The following LTBP1 variants were observed in gnomAD, a reference collection of about 807,000 sequenced individuals.
LTBP1 encodes latent transforming growth factor beta binding protein 1, also known as latent-transforming growth factor beta-binding protein 1.
In LTBP1, 129 loss-of-function variants were observed where a neutral mutation model predicts 207.6. That is an observed-to-expected ratio of 0.62 (90% confidence interval 0.54 to 0.72). The LOEUF is 0.72. LTBP1 is among the 30% of genes least tolerant of loss of function. LTBP1 has a pLI of 0.00. For missense variants in LTBP1, 2,281 were observed against 2,217.2 expected (o/e 1.03, Z -0.58); for synonymous variants, 963 against 833.7 (o/e 1.16, Z -2.67).
chr2:33,088,207 ACTTTGGG>A (rs1344842131), intron 3 of LTBP1, among the ~76,000 whole-genome samples: 1 of 152,204 alleles, frequency 6.6e-6, no homozygotes, highest in African/African-American at 2.4e-5. Flanking sequence ...TAATCCCAGC[ACTTTGGG>A]AGGCCAAGGC....
chr2:33,138,895 G>T (rs1283088686), intron 5 of LTBP1, among the ~76,000 whole-genome samples: 3 of 113,124 alleles, frequency 2.7e-5, no homozygotes, highest in African/African-American at 7.1e-5. Flanking sequence ...GTCTCGCTCT[G>T]TCGCCCAGGC....
At chr2:33,227,673 G>T (rs911167224) in intron 9 of LTBP1, among the ~76,000 whole-genome samples, 4 of 151,902 alleles carry the variant, frequency 2.6e-5, no homozygotes, top group Non-Finnish European at 4.4e-5. Context: ...TTCCTGACAG[G>T]CTGATTTCTC....
chr2:33,142,164 GCCTCAGCCTC>G (rs2082685036), intron 5 of LTBP1, among the ~76,000 whole-genome samples: 1 of 152,082 alleles, frequency 6.6e-6, no homozygotes, highest in Admixed American at 6.6e-5. Context: ...CCATTCTCAT[GCCTCAGCCTC>G]CCGAGCAGCT....
intron 5 of LTBP1, among the ~76,000 whole-genome samples, chr2:33,174,745 G>A (rs1373327112): frequency 6.6e-6 from 1 of 152,124 alleles, no homozygotes; most frequent in Non-Finnish European, 1.5e-5. Flanking sequence ...CACACTACCT[G>A]ACTTCAAACT....
At chr2:33,042,386 A>G (rs2076232758) in intron 3 of LTBP1, among the ~76,000 whole-genome samples, 1 of 152,202 alleles carries the variant, frequency 6.6e-6, no homozygotes, top group African/African-American at 2.4e-5. Context: ...GATGAAGATG[A>G]GGTTTTTTCT....
intron 7 of LTBP1, among the ~76,000 whole-genome samples, chr2:33,200,767 A>G (rs2089147124): frequency 6.6e-6 from 1 of 152,152 alleles, no homozygotes; most frequent in Admixed American, 6.5e-5. Context: ...AATGAACTCA[A>G]ACAAATTTAC....
chr2:33,297,852 G>A (rs1031500102), intron 20 of LTBP1, among the ~76,000 whole-genome samples: 6 of 152,150 alleles, frequency 3.9e-5, no homozygotes, highest in African/African-American at 1.2e-4. Context: ...ATACTACACT[G>A]CATTTAGTTG....
intron 3 of LTBP1, among the ~76,000 whole-genome samples, chr2:33,095,123 A>G (rs2079317316): frequency 6.6e-6 from 1 of 152,224 alleles, no homozygotes; most frequent in South Asian, 2.1e-4. Flanking sequence ...GTATATAACA[A>G]TAGTGATCTT....
chr2:33,118,910 GA>G (rs1316967951), intron 4 of LTBP1, among the ~76,000 whole-genome samples: 3 of 152,288 alleles, frequency 2.0e-5, no homozygotes, highest in Non-Finnish European at 4.4e-5. Context: ...TGAAACAGTA[GA>G]TATGGATTGG....
intron 3 of LTBP1, among the ~76,000 whole-genome samples, chr2:33,068,794 T>C (rs1014640262): frequency 6.6e-6 from 1 of 152,190 alleles, no homozygotes; most frequent in Non-Finnish European, 1.5e-5. Context: ...TAATATTATG[T>C]TTTGAATTTT....
chr2:32,963,370 ATTTTTT>A (rs35409873), intron 2 of LTBP1, among the ~76,000 whole-genome samples: 2 of 146,466 alleles, frequency 1.4e-5, no homozygotes, highest in African/African-American at 5.1e-5. Flanking sequence ...ATGCCCAGCT[ATTTTTT>A]TTTTTTAACT....
chr2:33,056,262 G>A lies in LTBP1; in HGVS notation c.863+35056G>A, dbSNP rs1294753814. On this transcript the variant is annotated intron_variant, in intron 3 of 33. Transcript: ENST00000404816. ...AGCTTAGGATGCATTTCAAGGGTGA[G>A]CCTGTGATGCCTGAGTGTTTCCCAT... 7 of 488,120 alleles carry A rather than the reference G, an allele frequency of 1.4e-5. No homozygotes were observed. In the South Asian group the frequency reaches 3.2e-4, roughly 22 times the overall value. 30.2% of individuals were successfully genotyped at this position (488,120 alleles called of 1,614,324 possible).
At chr2:33,263,244 T>G in intron 14 of LTBP1, 50 bp from the exon 15 acceptor site, 1 of 1,063,312 alleles carries the variant, frequency 9.4e-7, no homozygotes, top group African/African-American at 1.5e-5. Context: ...GGGATCTCAA[T>G]GCACATAACG....
At chr2:32,951,025 G>A (rs577199422) in intron 2 of LTBP1, among the ~76,000 whole-genome samples, 8 of 152,340 alleles carry the variant, frequency 5.3e-5, no homozygotes, top group South Asian at 2.1e-4. Flanking sequence ...GTAATCCAGA[G>A]AGAGATCACA....
chr2:33,216,677 T>C (rs982353489), intron 7 of LTBP1, among the ~76,000 whole-genome samples: 2 of 151,838 alleles, frequency 1.3e-5, no homozygotes, highest in African/African-American at 4.8e-5. Context: ...AAATGTGGGG[T>C]GTGTTAGCCT....
chr2:33,277,799 C>CTTTCTTTTTT (rs1558933708), intron 18 of LTBP1, among the ~76,000 whole-genome samples: 1 of 47,466 alleles, frequency 2.1e-5, no homozygotes, highest in African/African-American at 9.1e-5. Flanking sequence ...CTTTCTTTCT[C>CTTTCTTTTTT]TCTCTCTTTC....
rs2078468929 is a variant in LTBP1, at chr2:33,082,431, A to AATTTTTTTTTTTTTTTTTTT, written c.864-28151_864-28150insATTTTTTTTTTTTTTTTTTT. Among the ~76,000 whole-genome samples the AATTTTTTTTTTTTTTTTTTT allele has an allele frequency of 1.1e-4, 13 of 116,044 alleles. 6 individuals are homozygous for AATTTTTTTTTTTTTTTTTTT. The highest frequency in any genetic ancestry group is 3.4e-5 in the Non-Finnish European group (2 of 58,288). 76.1% of individuals were successfully genotyped at this position (116,044 alleles called of 152,430 possible). On this transcript the variant is annotated intron_variant, in intron 3 of 33. Coordinates refer to ENST00000404816, the MANE Select transcript of LTBP1 (RefSeq NM_206943.4). ...GTTAACCGTGGCTAAAGTATGACTC[A>AATTTTTTTTTTTTTTTTTTT]CTTTTTTTTTTTTTTTTTTTTTTTT...
chr2:33,264,488 T>A (rs1367664307), intron 15 of LTBP1, among the ~76,000 whole-genome samples: 2 of 152,100 alleles, frequency 1.3e-5, no homozygotes, highest in Non-Finnish European at 2.9e-5. Context: ...CTGAAACAAA[T>A]GCAAAATTCT....
At chr2:33,108,971 C>G (rs2080231282) in intron 3 of LTBP1, among the ~76,000 whole-genome samples, 1 of 152,218 alleles carries the variant, frequency 6.6e-6, no homozygotes, top group African/African-American at 2.4e-5. Context: ...AGTCTGGTGA[C>G]AAAGGGAGTG....
Sources: gnomAD v4.1 joint callset for allele counts (sites outside exome capture counted in the v4.1 genomes callset) on GRCh38, gnomAD v4.1.1 for gene constraint, MANE v1.5 for transcripts, NCBI Gene and HGNC (gene_info 2026-07-23, HGNC 2026-07-21) for gene names.